TSHZ2: variants seen among roughly 807,000 people sequenced by gnomAD.
TSHZ2 encodes teashirt homolog 2.
Under a neutral mutation model 74.4 loss-of-function variants are expected in TSHZ2, and 21 were observed. The ratio of observed to expected loss-of-function variants is 0.28; its 90% CI spans 0.20 to 0.41. The LOEUF is 0.41. Among genes scored for constraint, TSHZ2 ranks in the 10% least tolerant of loss-of-function variants. The probability of loss-of-function intolerance (pLI) is 1.00; values close to 1 mark genes in which losing one functional copy is unlikely to be tolerated. For synonymous variants in TSHZ2, 540 were observed against 515.3 expected (o/e 1.05, Z -0.65); for missense variants, 1,244 against 1,293.5 (o/e 0.96, Z 0.59).
chr20:53,416,274 G>T (rs569926146), intron 2 of TSHZ2, among the ~76,000 whole-genome samples: 2 of 152,204 alleles, frequency 1.3e-5, no homozygotes, highest in Admixed American at 1.3e-4. Flanking sequence ...GGATGAAGGC[G>T]GTGGGAAGTG....
chr20:53,071,631 C>T (rs1367292028), intron 1 of TSHZ2, among the ~76,000 whole-genome samples: 1 of 152,162 alleles, frequency 6.6e-6, no homozygotes, highest in Non-Finnish European at 1.5e-5. Context: ...GTCTATCTCA[C>T]GGACCTACGT....
intron 1 of TSHZ2, among the ~76,000 whole-genome samples, chr20:53,171,799 G>A (rs537825514): frequency 6.6e-6 from 1 of 152,072 alleles, no homozygotes; most frequent in African/African-American, 2.4e-5. Flanking sequence ...TACTTCTTAT[G>A]ACTATCATTA....
chr20:53,282,113 C>T (rs1378247545), intron 2 of TSHZ2, among the ~76,000 whole-genome samples: 1 of 152,202 alleles, frequency 6.6e-6, no homozygotes, highest in African/African-American at 2.4e-5. Flanking sequence ...TCTTATCTAG[C>T]TCTCACTTGC....
intron 2 of TSHZ2, among the ~76,000 whole-genome samples, chr20:53,415,537 C>T (rs1481565220): frequency 6.6e-6 from 1 of 152,076 alleles, no homozygotes; most frequent in Non-Finnish European, 1.5e-5. Flanking sequence ...ACCTAGCACA[C>T]TCTTACTATC....
chr20:53,471,100 G>C (rs1426023418), intron 2 of TSHZ2, among the ~76,000 whole-genome samples: 2 of 152,212 alleles, frequency 1.3e-5, no homozygotes, highest in Non-Finnish European at 2.9e-5. Context: ...GCACCAAATA[G>C]ATGGCAAAGC....
chr20:53,076,109 C>A (rs1985356092), intron 1 of TSHZ2, among the ~76,000 whole-genome samples: 1 of 152,152 alleles, frequency 6.6e-6, no homozygotes. Flanking sequence ...GATTACTGAG[C>A]AAAGGAATAA....
chr20:53,231,235 G>A (rs911812683), intron 1 of TSHZ2, among the ~76,000 whole-genome samples: 8 of 152,262 alleles, frequency 5.3e-5, no homozygotes, highest in East Asian at 3.9e-4. Context: ...ATATTGTGAC[G>A]GGAGACAGAA....
In TSHZ2 at chr20:53,187,148, C is replaced by T. The variant is rs563500649; in HGVS notation, c.41-66351C>T. 9.2e-5 allele frequency among the ~76,000 whole-genome samples: 14 copies of T among 152,248 alleles called. No individual in the cohort carries two copies. The South Asian group carries it at 2.1e-3, about 23-fold the overall frequency. The stretch of plus-strand genomic sequence containing the variant: ...TGATAATGATTTGACACTCGCCGCA[C>T]GTCTGGGGGCTACACATCGCTGGTG... On this transcript the variant is annotated intron_variant, in intron 1 of 2. Transcript: ENST00000371497.
chr20:53,003,873 C>G (rs1982534840), intron 1 of TSHZ2, among the ~76,000 whole-genome samples: 1 of 151,912 alleles, frequency 6.6e-6, no homozygotes, highest in Admixed American at 6.6e-5. Context: ...CTTTCCTTCT[C>G]TTTCCTTCTT....
intron 2 of TSHZ2, among the ~76,000 whole-genome samples, chr20:53,367,695 C>G (rs539563830): frequency 6.6e-6 from 1 of 151,878 alleles, no homozygotes; most frequent in Non-Finnish European, 1.5e-5. Flanking sequence ...CTCAGCCTCC[C>G]GAGGAGCTGG....
At chr20:53,420,042 T>C (rs1392013805) in intron 2 of TSHZ2, among the ~76,000 whole-genome samples, 1 of 152,268 alleles carries the variant, frequency 6.6e-6, no homozygotes, top group Non-Finnish European at 1.5e-5. Flanking sequence ...CTTCACTAAA[T>C]GTCCACTAAG....
intron 2 of TSHZ2, among the ~76,000 whole-genome samples, chr20:53,460,667 A>ATCTTTGTGGTTT (rs1307669103): frequency 6.6e-6 from 1 of 151,968 alleles, no homozygotes; most frequent in Non-Finnish European, 1.5e-5. Flanking sequence ...TTTTTTCCCC[A>ATCTTTGTGGTTT]TCTTTGTGGT....
intron 1 of TSHZ2, among the ~76,000 whole-genome samples, chr20:53,230,239 A>C (rs946247414): frequency 6.6e-5 from 10 of 152,248 alleles, no homozygotes; most frequent in African/African-American, 1.9e-4. Context: ...CACATTCAAA[A>C]CAACCATAAT....
At chr20:52,997,247 C>T (rs1982234209) in intron 1 of TSHZ2, among the ~76,000 whole-genome samples, 2 of 129,452 alleles carry the variant, frequency 1.5e-5, no homozygotes, top group South Asian at 2.3e-4. Context: ...GGTTCCTGTG[C>T]TCATCTTGCC....
intron 1 of TSHZ2, among the ~76,000 whole-genome samples, chr20:53,014,749 T>G (rs914313532): frequency 6.6e-6 from 1 of 152,176 alleles, no homozygotes; most frequent in African/African-American, 2.4e-5. Flanking sequence ...CTTTCAGTAG[T>G]CTGGGAACCT....
At chr20:53,207,872 T>A (rs1989209528) in intron 1 of TSHZ2, among the ~76,000 whole-genome samples, 2 of 147,802 alleles carry the variant, frequency 1.4e-5, no homozygotes, top group African/African-American at 2.5e-5. Context: ...TTTTTTTTTT[T>A]TTTTTTTTTG....
At chr20:53,380,846 T>G (rs1231613673) in intron 2 of TSHZ2, among the ~76,000 whole-genome samples, 1 of 152,212 alleles carries the variant, frequency 6.6e-6, no homozygotes, top group Non-Finnish European at 1.5e-5. Flanking sequence ...ATAATAACTA[T>G]TATCATTATA....
At chr20:53,465,898 C>G (rs1261435587) in intron 2 of TSHZ2, among the ~76,000 whole-genome samples, 3 of 151,364 alleles carry the variant, frequency 2.0e-5, no homozygotes, top group Non-Finnish European at 4.4e-5. Flanking sequence ...ATCTACCAAC[C>G]CTCTTTTCCA....
rs1985293405 is a variant in TSHZ2 at position 53,074,129 on chromosome 20, A to G, written c.40+100796A>G. Reference sequence around the variant, plus strand: ...CTCACCTTCATGACATCCTTGGTGAACTCTTATGTATCTTTTAAACTGCTG... The same window carrying G: ...CTCACCTTCATGACATCCTTGGTGAGCTCTTATGTATCTTTTAAACTGCTG... On this transcript the variant is annotated intron_variant, in intron 1 of 2. Coordinates refer to ENST00000371497, the MANE Select transcript of TSHZ2 (RefSeq NM_173485.6). This position sits in a 1 kb window ranked among gnomAD's most constrained non-coding sequence, Gnocchi z 5.9. Among the ~76,000 whole-genome samples, 1 of 152,186 alleles carries G rather than the reference A, an allele frequency of 6.6e-6. No homozygotes were observed. The highest frequency in any genetic ancestry group is 2.1e-4 in the South Asian group (1 of 4,826).
Sources: allele counts gnomAD v4.1 joint callset (sites outside exome capture counted in the v4.1 genomes callset), GRCh38; gene constraint gnomAD v4.1.1; non-coding constraint Gnocchi (gnomAD v3.1); transcripts MANE v1.5; gene names NCBI Gene and HGNC (gene_info 2026-07-23, HGNC 2026-07-21).